NCOR1: variants seen among roughly 807,000 people sequenced by gnomAD.
NCOR1 encodes the protein protein phosphatase 1, regulatory subunit 109.
Under a neutral mutation model 288.1 loss-of-function variants are expected in NCOR1, and 63 were observed. The observed-to-expected ratio is 0.22, with a 90% confidence interval of 0.18 to 0.27. NCOR1 has a LOEUF of 0.27. NCOR1 is among the 10% of genes least tolerant of loss of function. The pLI is 1.00. For missense variants in NCOR1, 2,397 were observed against 3,019.2 expected, an observed-to-expected ratio of 0.79 and a Z score of 4.83; for synonymous variants, 1,007 against 1,065.9, an observed-to-expected ratio of 0.94 and a Z score of 1.08.
In NCOR1 at chr17:16,071,441, T is replaced by C. The variant is rs777840206; in HGVS notation, c.4120A>G (p.Thr1374Ala). 6.2e-7 allele frequency: 1 copy of C among 1,614,034 alleles called. No homozygotes were observed. The highest frequency in any genetic ancestry group is 8.5e-7 in the Non-Finnish European group (1 of 1,179,948). ...ATGGAACCCTCAATTATCGGCCGTG[T>C]GCTCTGGACCACTTCTGGAGTTTTC... is the stretch of plus-strand genomic sequence containing the variant. ...SRKTPEVVQS[T>A]RPIIEGSISQ... The change falls in exon 30 of 46, where the codon ACA becomes GCA. Residue 1374 changes from threonine to alanine, a missense_variant. By Grantham distance (58) the Thr-to-Ala change is moderately conservative. This residue lies in a region of NCOR1 where 1,872 missense variants were observed against 2,187.8 expected (regional missense o/e 0.86). Coordinates refer to ENST00000268712, the MANE Select transcript of NCOR1 (RefSeq NM_006311.4).
In NCOR1 at chr17:16,094,135, G is replaced by C. The variant is rs148450574; in HGVS notation, c.2821-2077C>G. Reference sequence around the variant, plus strand: ...CCAAGCTGGTCTTGGAACTCCTGCGGTCAAGTGATCCACCCACCTCGGCCT... The same window carrying C: ...CCAAGCTGGTCTTGGAACTCCTGCGCTCAAGTGATCCACCCACCTCGGCCT... On this transcript the variant is annotated intron_variant, in intron 21 of 45. Coordinates refer to ENST00000268712, the MANE Select transcript of NCOR1 (RefSeq NM_006311.4). 7.0e-3 allele frequency among the ~76,000 whole-genome samples: 1,071 copies of C among 152,072 alleles called. 11 individuals carry two copies. Among genetic ancestry groups the C allele is most frequent in the African/African-American group, 0.025 (1,030 of 41,468 alleles).
chr17:16,099,493 G>A (rs2067227129), intron 20 of NCOR1, among the ~76,000 whole-genome samples: 1 of 152,224 alleles, frequency 6.6e-6, no homozygotes. Context: ...AGACTTTAGT[G>A]TGTCATTAAG....
intron 38 of NCOR1, 67 bp downstream of exon 38, chr17:16,058,404 A>C: frequency 6.3e-7 from 1 of 1,576,722 alleles, no homozygotes; most frequent in Non-Finnish European, 8.6e-7. Context: ...TGGTCTAGAC[A>C]GATAATTAGA....
intron 40 of NCOR1, among the ~76,000 whole-genome samples, chr17:16,056,638 T>A (rs1204877134): frequency 1.3e-5 from 2 of 151,996 alleles, no homozygotes; most frequent in African/African-American, 2.4e-5. Context: ...TTAAATTTAT[T>A]TCCCTTTGTG....
chr17:16,114,160 A>AAAAAACAAAAAAAAAC lies in NCOR1; in HGVS notation c.2055+3727_2055+3728insGTTTTTTTTTGTTTTT, dbSNP rs57690812. ...GCGGCAGGCAAAAAAAAAAAAAAAA[A>AAAAAACAAAAAAAAAC]AAAAAAAAACTTGTGCAGGGGAACT... On this transcript the variant is annotated intron_variant, in intron 18 of 45. Coordinates refer to ENST00000268712, the MANE Select transcript of NCOR1 (RefSeq NM_006311.4). 1.3e-3 allele frequency among the ~76,000 whole-genome samples: 144 copies of AAAAAACAAAAAAAAAC among 106,930 alleles called. 3 individuals carry two copies. Among genetic ancestry groups the AAAAAACAAAAAAAAAC allele is most frequent in the African/African-American group, 4.3e-3 (136 of 31,954 alleles). 70.2% of individuals were successfully genotyped at this position (106,930 alleles called of 152,430 possible). A position where few individuals can be genotyped will look rare whatever the true frequency, so the allele number is the denominator to read the frequency against.
chr17:16,145,161 A>G (rs2077702727), intron 10 of NCOR1, among the ~76,000 whole-genome samples: 1 of 152,240 alleles, frequency 6.6e-6, no homozygotes, highest in Non-Finnish European at 1.5e-5. Flanking sequence ...TTGGCCTCCC[A>G]AAGTGCCAGG....
chr17:16,197,189 C>T (rs1485821549), intron 1 of NCOR1, among the ~76,000 whole-genome samples: 1 of 151,684 alleles, frequency 6.6e-6, no homozygotes, highest in Admixed American at 6.6e-5. Context: ...CGCATGGTGG[C>T]GCGTGCCTGT....
intron 21 of NCOR1, among the ~76,000 whole-genome samples, chr17:16,092,343 T>C (rs962785773): frequency 6.6e-6 from 1 of 151,754 alleles, no homozygotes; most frequent in Non-Finnish European, 1.5e-5. Context: ...AAAATTTAGC[T>C]GGGTGCAGTG....
rs2152626736 is a variant in NCOR1, at chr17:16,062,262, G to A, written c.5230C>T (p.Gln1744Ter). Residue 1744 changes from glutamine (Q) to a stop codon, truncating the protein, a stop_gained, in exon 36 of 46, where the codon CAG becomes TAG. Transcript: ENST00000268712. LOFTEE classifies it high-confidence loss of function. ...SDLYLRPGSEQPGRPGSHGYV... is the reference protein window; with the variant it reads ...SDLYLRPGSE ...CCATGACTGCCAGGTCGGCCAGGCT[G>A]TTCTGAGCCTGCAGAGGTGAAAAAG... The A allele has an allele frequency of 6.2e-7, 1 of 1,601,640 alleles. No individual in the cohort carries two copies. Among genetic ancestry groups the A allele is most frequent in the Non-Finnish European group, 8.5e-7 (1 of 1,177,164 alleles).
chr17:16,051,501 G>A (rs2059305741), intron 40 of NCOR1, among the ~76,000 whole-genome samples: 1 of 152,176 alleles, frequency 6.6e-6, no homozygotes, highest in African/African-American at 2.4e-5. Context: ...AGGCAGTGTT[G>A]ACAGGGAAAT....
At chr17:16,135,738 C>G (rs2076298489) in intron 14 of NCOR1, among the ~76,000 whole-genome samples, 1 of 152,164 alleles carries the variant, frequency 6.6e-6, no homozygotes, top group African/African-American at 2.4e-5. Flanking sequence ...GTAATCACAT[C>G]ATGTGGGGTG....
intron 7 of NCOR1, 69 bp downstream of exon 7, chr17:16,153,270 C>T (rs2079151756): frequency 3.6e-6 from 4 of 1,117,468 alleles, no homozygotes; most frequent in Non-Finnish European, 4.0e-6. Context: ...CATATTCCAT[C>T]TTATCCCAAG....
rs2061021476 is a variant in NCOR1 at position 16,065,496 on chromosome 17, G to A, written c.4940C>T (p.Pro1647Leu). ...GCAAAGACACACACCTCTCGTTGCTGGGTATGGGAGACCCAGTGGCTGCTC... is the reference window on the plus strand; with the variant it reads ...GCAAAGACACACACCTCTCGTTGCTAGGTATGGGAGACCCAGTGGCTGCTC... ...PREQPLGLPY[P>L]ATRGIIDLTN... Residue 1647 changes from proline to leucine, a missense_variant, in exon 33 of 46, where the codon CCA (proline) becomes CTA (leucine). By Grantham distance (98) the Pro-to-Leu change is moderately conservative (BLOSUM62 -3). Coordinates refer to ENST00000268712, the MANE Select transcript of NCOR1 (RefSeq NM_006311.4). The A allele has an allele frequency of 6.2e-7, 1 of 1,614,068 alleles. No individual in the cohort carries two copies. Among genetic ancestry groups the A allele is most frequent in the South Asian group, 1.1e-5 (1 of 91,080 alleles).
In NCOR1 at chr17:16,039,580, C is replaced by T. The variant is rs2151986825; in HGVS notation, c.6808G>A (p.Ala2270Thr). 6.2e-7 allele frequency: 1 copy of T among 1,614,174 alleles called. No homozygotes were observed. Among genetic ancestry groups the T allele is most frequent in the Non-Finnish European group, 8.5e-7 (1 of 1,180,030 alleles). ...TTGTCATCAAAGCTTCCCATGAGAG[C>T]CTTCCTGATAATGTCTTCCAGCCCA... is the stretch of plus-strand genomic sequence containing the variant. Reference protein sequence around the residue: ...NLGLEDIIRKALMGSFDDKVE... With the variant: ...NLGLEDIIRKTLMGSFDDKVE... The change falls in exon 44 of 46, where the codon GCT (alanine) becomes ACT (threonine). Residue 2270 changes from alanine to threonine, a missense_variant. This residue lies in a region of NCOR1 where 1,872 missense variants were observed against 2,187.8 expected (regional missense o/e 0.86). Coordinates refer to ENST00000268712, the MANE Select transcript of NCOR1 (RefSeq NM_006311.4).
intron 2 of NCOR1, among the ~76,000 whole-genome samples, chr17:16,192,529 G>A (rs1405356351): frequency 6.6e-6 from 1 of 152,092 alleles, no homozygotes; most frequent in Non-Finnish European, 1.5e-5. Flanking sequence ...GGCGGCACAC[G>A]CCTGTAATTC....
intron 37 of NCOR1, 150 bp downstream of exon 37, chr17:16,061,251 A>G: frequency 1.0e-6 from 1 of 974,646 alleles, no homozygotes; most frequent in Non-Finnish European, 1.5e-6. Context: ...ATATTTAAAT[A>G]ATCATAAAAA....
At chr17:16,044,843 GCACCAGTGGGATCCTGCCCA>G (rs1397139888) in intron 42 of NCOR1, 1 of 987,358 alleles carries the variant, frequency 1.0e-6, no homozygotes, top group Non-Finnish European at 1.6e-6. Flanking sequence ...AGCTGGTGCT[GCACCAGTGGGATCCTGCCCA>G]CTCCACTGCT....
At chr17:16,064,024 C>A (rs73981433) in intron 35 of NCOR1, 44 bp downstream of exon 35, 52,839 of 1,607,300 alleles carry the variant, frequency 0.033, 1,080 homozygotes, top group African/African-American at 0.088. Context: ...TACAAGATTA[C>A]TAAGATGTGT....
At chr17:16,137,709 T>C (rs375450556) in intron 13 of NCOR1, 9 of 233,942 alleles carry the variant, frequency 3.8e-5, no homozygotes, top group Non-Finnish European at 6.5e-5. Context: ...ATTACATACA[T>C]GCAAATTTTT....
Sources: gnomAD v4.1 joint callset for allele counts (sites outside exome capture counted in the v4.1 genomes callset) on GRCh38, gnomAD v4.1.1 for gene constraint, gnomAD v4.1.1 regional missense constraint, MANE v1.5 for transcripts, NCBI Gene and HGNC (gene_info 2026-07-23, HGNC 2026-07-21) for gene names.